The following NUP205 variants were observed in gnomAD, a reference collection of about 807,000 sequenced individuals.
NUP205 encodes nuclear pore complex protein Nup205.
NUP205 carries 76 observed loss-of-function variants against 253.8 expected under a neutral mutation model. That is an observed-to-expected ratio of 0.30 (90% CI 0.25 to 0.36). The LOEUF (loss-of-function observed/expected upper bound fraction) is 0.36, where lower values mean the gene tolerates loss of function less well. Among genes scored for constraint, NUP205 ranks in the 10% least tolerant of loss-of-function variants. The probability of loss-of-function intolerance (pLI) is 1.00; values close to 1 mark genes in which losing one functional copy is unlikely to be tolerated. For missense variants in NUP205, 2,162 were observed against 2,425.5 expected (o/e 0.89, Z 2.28); for synonymous variants, 832 against 850.1 (o/e 0.98, Z 0.37).
In NUP205 at chr7:135,597,637, A is replaced by G. The variant is rs9649612; in HGVS notation, c.2064+219A>G. On this transcript the variant is annotated intron_variant, in intron 14 of 42. Coordinates refer to ENST00000285968, the MANE Select transcript of NUP205 (RefSeq NM_015135.3). ...AGTTGGAAAAAGATGTTACATGGCA[A>G]CCATCCAAATGGAAAATTCTTGATT... 0.99 allele frequency: 443,466 copies of G among 446,728 alleles called. 220,185 individuals are homozygous for G. Among genetic ancestry groups the G allele is most frequent in the East Asian group, 1 (29,804 of 29,804 alleles). 27.7% of individuals were successfully genotyped at this position (446,728 alleles called of 1,614,324 possible). A position where few individuals can be genotyped will look rare whatever the true frequency, so the allele number is the denominator to read the frequency against.
chr7:135,606,332 G>A, intron 20 of NUP205, 106 bp downstream of exon 20: 1 of 771,666 alleles, frequency 1.3e-6, no homozygotes, highest in Non-Finnish European at 2.1e-6. Context: ...TGGTGTAAGA[G>A]GAATTGAGAA....
rs139463499 is a variant in NUP205 at position 135,580,761 on chromosome 7, G to A, written c.1042+1846G>A. On this transcript the variant is annotated intron_variant, in intron 7 of 42. Coordinates refer to ENST00000285968, the MANE Select transcript of NUP205 (RefSeq NM_015135.3). ...TACAGGCGCGAGCCACCATGCCCAGGTGTGATAGTTAATATATTAACTATA... is the reference window on the plus strand; with the variant it reads ...TACAGGCGCGAGCCACCATGCCCAGATGTGATAGTTAATATATTAACTATA... Among the ~76,000 whole-genome samples, 235 of 151,968 alleles carry A rather than the reference G, an allele frequency of 1.5e-3. 1 individual carries two copies. The highest frequency in any genetic ancestry group is 5.3e-3 in the African/African-American group (221 of 41,484).
chr7:135,624,516 C>T (rs1043727874), intron 31 of NUP205, among the ~76,000 whole-genome samples: 1 of 152,166 alleles, frequency 6.6e-6, no homozygotes, highest in Non-Finnish European at 1.5e-5. Flanking sequence ...GCTCAGATTA[C>T]AGGTGCCCAC....
chr7:135,637,036 G>A (rs1201179645), intron 36 of NUP205, among the ~76,000 whole-genome samples: 1 of 152,120 alleles, frequency 6.6e-6, no homozygotes, highest in Admixed American at 6.6e-5. Context: ...ATAAGACAGT[G>A]TGTATTATGT....
chr7:135,576,932 T>G, intron 4 of NUP205, 37 bp from the exon 5 acceptor site: 1 of 1,580,810 alleles, frequency 6.3e-7, no homozygotes, highest in East Asian at 2.2e-5. Context: ...ATAAACAATA[T>G]TGTTTAACGT....
intron 1 of NUP205, among the ~76,000 whole-genome samples, chr7:135,558,958 A>G (rs1350199298): frequency 6.6e-6 from 1 of 152,240 alleles, no homozygotes; most frequent in Admixed American, 6.5e-5. Context: ...TTTGTAAATC[A>G]AATCATTTCA....
intron 7 of NUP205, among the ~76,000 whole-genome samples, chr7:135,581,040 T>C (rs1297587332): frequency 6.6e-6 from 1 of 152,176 alleles, no homozygotes; most frequent in Non-Finnish European, 1.5e-5. Context: ...GTATTATAAT[T>C]AGAATTTTTA....
At chr7:135,578,229 A>C (rs1806207534) in intron 6 of NUP205, among the ~76,000 whole-genome samples, 1 of 152,102 alleles carries the variant, frequency 6.6e-6, no homozygotes. Flanking sequence ...TTTTGGGGGG[A>C]TTTGGAATGG....
At chr7:135,559,664 C>T (rs975171164) in intron 1 of NUP205, among the ~76,000 whole-genome samples, 1 of 149,860 alleles carries the variant, frequency 6.7e-6, no homozygotes, top group Non-Finnish European at 1.5e-5. Context: ...AGCCAGTACG[C>T]AAGGTATACA....
intron 1 of NUP205, among the ~76,000 whole-genome samples, chr7:135,565,225 T>C (rs947624566): frequency 1.3e-5 from 2 of 152,186 alleles, no homozygotes; most frequent in African/African-American, 2.4e-5. Context: ...ATATTTAAAA[T>C]GAGGGAGAGA....
In NUP205 at chr7:135,585,839, G is replaced by C. The variant is rs181940563; in HGVS notation, c.1218+832G>C. ...TTGCAGGTGTGAACCACCATGCCTG[G>C]CCCGATTGTTTAGATTCTGAATTGC... On this transcript the variant is annotated intron_variant, in intron 8 of 42. Coordinates refer to ENST00000285968, the MANE Select transcript of NUP205 (RefSeq NM_015135.3). 9.8e-5 allele frequency among the ~76,000 whole-genome samples: 15 copies of C among 152,290 alleles called. No individual in the cohort carries two copies. In the East Asian group the frequency reaches 2.7e-3, roughly 27 times the overall value.
At chr7:135,638,759 A>G in intron 38 of NUP205, 76 bp downstream of exon 38, 1 of 1,425,814 alleles carries the variant, frequency 7.0e-7, no homozygotes, top group Non-Finnish European at 9.8e-7. Flanking sequence ...GCTTGGCTCC[A>G]GTAAGATGCA....
Position 135,643,264 on chromosome 7 carries a change from G to A in NUP205, c.5465G>A (p.Ser1822Asn), listed in dbSNP as rs1300982122. ...ATTATCATCTACCTGCTGAAACAGA[G>A]TGCTAATGATTTCTTCAGCTATTAT... ...LGIIIYLLKQ[S>N]ANDFFSYYDS... Residue 1822 changes from serine (S) to asparagine (N), a missense_variant, in exon 39 of 43, where the codon AGT becomes AAT. Ser to Asn is a conservative substitution (Grantham distance 46). Coordinates refer to ENST00000285968, the MANE Select transcript of NUP205 (RefSeq NM_015135.3). The A allele has an allele frequency of 6.2e-7, 1 of 1,614,086 alleles. No homozygotes were observed. The highest frequency in any genetic ancestry group is 8.5e-7 in the Non-Finnish European group (1 of 1,179,956).
intron 15 of NUP205, among the ~76,000 whole-genome samples, chr7:135,599,353 CT>C (rs879426583): frequency 1.3e-5 from 2 of 150,586 alleles, no homozygotes; most frequent in Non-Finnish European, 3.0e-5. Context: ...AATTGAAGTT[CT>C]TTTTTTTTGT....
chr7:135,620,777 T>C lies in NUP205; in HGVS notation c.4330+889T>C, dbSNP rs554428041. 5.2e-3 allele frequency among the ~76,000 whole-genome samples: 799 copies of C among 152,314 alleles called. 2 individuals are homozygous for C. Among genetic ancestry groups the C allele is most frequent in the Non-Finnish European group, 7.6e-3 (515 of 68,012 alleles). The stretch of plus-strand genomic sequence containing the variant: ...TTCTCCAGTATAAACTCATCAATAG[T>C]ATACATGTATCTTTTTGTACTAGTG... On this transcript the variant is annotated intron_variant, in intron 30 of 42. Coordinates refer to ENST00000285968, the MANE Select transcript of NUP205 (RefSeq NM_015135.3).
At chr7:135,638,176 A>G in intron 37 of NUP205, 117 bp downstream of exon 37, 31 of 1,046,132 alleles carry the variant, frequency 3.0e-5, no homozygotes, top group Non-Finnish European at 4.3e-5. Flanking sequence ...TTGGGAGGCC[A>G]AGGCGGATGG....
At position 135,625,326 on chromosome 7, in the gene NUP205, A is replaced by C; in HGVS notation, c.4642A>C (p.Lys1548Gln). Residue 1548 changes from lysine to glutamine, a missense_variant, in exon 32 of 43, where the codon AAA (lysine) becomes CAA (glutamine). Lys to Gln is a moderately conservative substitution (Grantham distance 53). Transcript: ENST00000285968. ...ACTCACCCCACAGCCTCCCCTTTTAAAAGCACTTTATACTTATGAATCTAA... is the reference window on the plus strand; with the variant it reads ...ACTCACCCCACAGCCTCCCCTTTTACAAGCACTTTATACTTATGAATCTAA... ...SLLTPQPPLL[K>Q]ALYTYESKMA... is the part of the protein sequence containing the mutation. 1 of 1,610,160 alleles carries C rather than the reference A, an allele frequency of 6.2e-7. No homozygotes were observed. The highest frequency in any genetic ancestry group is 2.2e-5 in the East Asian group (1 of 44,826).
chr7:135,616,790 C>G lies in NUP205; in HGVS notation c.3532+64C>G, dbSNP rs1050622095. 13 of 913,314 alleles carry G rather than the reference C, an allele frequency of 1.4e-5. No homozygotes were observed. The East Asian group carries it at 3.3e-4, about 23-fold the overall frequency. The allele number at this position is 913,314 out of a possible 1,614,324, so 56.6% of individuals were successfully genotyped here. Reference sequence around the variant, plus strand: ...ACATATATTAAAAAAAAAAAAACTTCAAGGGATTATTATGCCTGTGCCTCC... The same window carrying G: ...ACATATATTAAAAAAAAAAAAACTTGAAGGGATTATTATGCCTGTGCCTCC... On this transcript the variant is annotated intron_variant, in intron 25 of 42. Transcript: ENST00000285968.
chr7:135,570,832 T>G (rs1174152236), intron 1 of NUP205, among the ~76,000 whole-genome samples: 2,469 of 108,686 alleles, frequency 0.023, 111 homozygotes, highest in South Asian at 0.065. Flanking sequence ...ATATATAAAT[T>G]ATATATTATA....
Sources: allele counts gnomAD v4.1 joint callset (sites outside exome capture counted in the v4.1 genomes callset), GRCh38; gene constraint gnomAD v4.1.1; transcripts MANE v1.5; gene names NCBI Gene and HGNC (gene_info 2026-07-23, HGNC 2026-07-21).